Variants in PHIP observed in about 807,000 individuals in gnomAD.
PHIP encodes PHIP subunit of CUL4-Ring ligase complex, also known as PH-interacting protein.
Under a neutral mutation model 236.8 loss-of-function variants are expected in PHIP, and 54 were observed. That is an observed-to-expected ratio of 0.23 (90% CI 0.18 to 0.29). The LOEUF is 0.29. Ranked by LOEUF, PHIP falls within the 10% of genes least tolerant of loss-of-function variation. PHIP has a pLI of 1.00. For synonymous variants in PHIP, 756 were observed against 718.9 expected, an observed-to-expected ratio of 1.05 and a Z score of -0.83; for missense variants, 1,370 against 2,190.8, an observed-to-expected ratio of 0.63 and a Z score of 7.48.
chr6:79,003,196 C>T (rs996480633), intron 16 of PHIP, among the ~76,000 whole-genome samples: 3 of 151,904 alleles, frequency 2.0e-5, no homozygotes, highest in Admixed American at 6.6e-5. Flanking sequence ...TTTGAGCCCA[C>T]GAATTCAAAG....
intron 27 of PHIP, among the ~76,000 whole-genome samples, chr6:78,967,430 G>A (rs1350334046): frequency 6.6e-6 from 1 of 152,184 alleles, no homozygotes; most frequent in African/African-American, 2.4e-5. Flanking sequence ...AGTAATGTGT[G>A]CCTAATCATA....
At chr6:79,029,133 T>C (rs574302833) in intron 7 of PHIP, among the ~76,000 whole-genome samples, 52 of 152,192 alleles carry the variant, frequency 3.4e-4, no homozygotes, top group Non-Finnish European at 7.2e-4. Context: ...ATTATCTCAA[T>C]TAACCTTTCT....
intron 36 of PHIP, 89 bp from the exon 37 acceptor site, chr6:78,946,963 A>ACTGG: frequency 2.8e-6 from 2 of 713,766 alleles, no homozygotes; most frequent in Non-Finnish European, 4.5e-6. Flanking sequence ...TTTTTCCAGT[A>ACTGG]AAAAATATTT....
chr6:78,989,851 C>T (rs185201009), intron 20 of PHIP, among the ~76,000 whole-genome samples: 1 of 152,204 alleles, frequency 6.6e-6, no homozygotes, highest in Non-Finnish European at 1.5e-5. Context: ...TTTCCACTTA[C>T]CATGAAAAAG....
chr6:78,966,122 A>T, intron 27 of PHIP, 66 bp from the exon 28 acceptor site: 1 of 994,614 alleles, frequency 1.0e-6, no homozygotes, highest in South Asian at 1.3e-5. Flanking sequence ...CTTTTTCCTA[A>T]CGTTAACCTT....
rs376841091 is a variant in PHIP, at chr6:78,945,439, T to C, written c.4689A>G (p.Gln1563=). ...KALNTLSSPG[Q]SSFSHGTRNN... ...TCCTAGTGCCATGACTAAAACTGGATTGACCAGGACTGGAAAGAGTATTCA... is the reference window on the plus strand; with the variant it reads ...TCCTAGTGCCATGACTAAAACTGGACTGACCAGGACTGGAAAGAGTATTCA... The change falls in exon 39 of 40, where the codon CAA becomes CAG. Residue 1563 remains glutamine (Q), a synonymous_variant. Transcript: ENST00000275034. The C allele has an allele frequency of 2.4e-4, 394 of 1,611,846 alleles. 8 individuals carry two copies. The South Asian group carries it at 4.1e-3, about 17-fold the overall frequency.
intron 15 of PHIP, among the ~76,000 whole-genome samples, chr6:79,013,974 T>TA (rs1023729796): frequency 2.6e-5 from 4 of 151,548 alleles, no homozygotes; most frequent in African/African-American, 4.8e-5. Flanking sequence ...GGTGGCTTTT[T>TA]AAAAAAATCT....
intron 6 of PHIP, among the ~76,000 whole-genome samples, chr6:79,046,085 C>T (rs540463783): frequency 4.6e-5 from 7 of 152,230 alleles, no homozygotes; most frequent in African/African-American, 7.2e-5. Flanking sequence ...CAGCCTAAGA[C>T]GGCCCTGCAG....
chr6:79,058,647 T>C (rs1479528069), intron 6 of PHIP, among the ~76,000 whole-genome samples: 4 of 152,098 alleles, frequency 2.6e-5, no homozygotes, highest in African/African-American at 9.7e-5. Flanking sequence ...AAAATAAGCA[T>C]AATAGTTCCT....
At chr6:79,004,690 C>G (rs949214074) in intron 15 of PHIP, among the ~76,000 whole-genome samples, 2 of 152,092 alleles carry the variant, frequency 1.3e-5, no homozygotes, top group African/African-American at 2.4e-5. Context: ...TCGGAACACA[C>G]ACACATTATC....
At chr6:79,010,362 T>C (rs1770516085) in intron 15 of PHIP, among the ~76,000 whole-genome samples, 1 of 151,600 alleles carries the variant, frequency 6.6e-6, no homozygotes, top group African/African-American at 2.4e-5. Context: ...CAAGGAGAAA[T>C]ATATTGTTCT....
intron 15 of PHIP, among the ~76,000 whole-genome samples, chr6:79,014,038 T>A (rs9361479): frequency 0.33 from 50,594 of 151,044 alleles, 9,832 homozygotes; most frequent in East Asian, 0.68. Context: ...CACCAAATAA[T>A]TAACACTGTT....
chr6:79,065,764 C>CCACACACA (rs58570604), intron 4 of PHIP, among the ~76,000 whole-genome samples: 288 of 143,470 alleles, frequency 2.0e-3, no homozygotes, highest in African/African-American at 4.4e-3. Context: ...CTTAACTATA[C>CCACACACA]CACACACACA....
chr6:79,012,191 T>C (rs1770616758), intron 15 of PHIP, among the ~76,000 whole-genome samples: 2 of 151,700 alleles, frequency 1.3e-5, no homozygotes, highest in Non-Finnish European at 1.5e-5. Context: ...TTTGCAAAGG[T>C]ATAAATTTCC....
chr6:79,067,833 A>G (rs1773700028), intron 4 of PHIP: 1 of 152,834 alleles, frequency 6.5e-6, no homozygotes. Flanking sequence ...ACATATATAA[A>G]GTATTTCTAA....
intron 4 of PHIP, among the ~76,000 whole-genome samples, chr6:79,076,675 T>C (rs1441724510): frequency 6.6e-6 from 1 of 152,032 alleles, no homozygotes; most frequent in Non-Finnish European, 1.5e-5. Context: ...CCACAGTAAA[T>C]ATGTGGACAA....
intron 4 of PHIP, among the ~76,000 whole-genome samples, chr6:79,061,570 ATTTGTTTTG>A (rs903845397): frequency 6.6e-6 from 1 of 152,088 alleles, no homozygotes; most frequent in Non-Finnish European, 1.5e-5. Flanking sequence ...CTTCTCACAA[ATTTGTTTTG>A]TTTGGGAATA....
At chr6:79,014,084 T>TTTTTTTTTTTTTTTTTTTTTTTTTGAG (rs1192416098) in intron 15 of PHIP, among the ~76,000 whole-genome samples, 6 of 151,376 alleles carry the variant, frequency 4.0e-5, no homozygotes, top group Non-Finnish European at 5.9e-5. Flanking sequence ...CCTTATTTCT[T>TTTTTTTTTTTTTTTTTTTTTTTTTGAG]ACCTAATGTA....
chr6:78,995,529 T>A (rs1769552681), intron 19 of PHIP, among the ~76,000 whole-genome samples: 1 of 152,220 alleles, frequency 6.6e-6, no homozygotes, highest in Non-Finnish European at 1.5e-5. Context: ...TCTCTAGCAT[T>A]TGGTGCTGTC....
Sources: gnomAD v4.1 joint callset for allele counts (sites outside exome capture counted in the v4.1 genomes callset) on GRCh38, gnomAD v4.1.1 for gene constraint, MANE v1.5 for transcripts, NCBI Gene and HGNC (gene_info 2026-07-23, HGNC 2026-07-21) for gene names.